The following CCDC81 variants were observed in gnomAD, a reference collection of about 807,000 sequenced individuals.
The protein encoded by CCDC81 is coiled-coil domain containing 81, also known as coiled-coil domain-containing protein 81.
In CCDC81, 79 loss-of-function variants were observed where a neutral mutation model predicts 83.7. The ratio of observed to expected loss-of-function variants is 0.94; its 90% CI spans 0.79 to 1.14. The LOEUF (loss-of-function observed/expected upper bound fraction) is 1.14. Among genes scored for constraint, CCDC81 ranks in the 50% most tolerant of loss-of-function variants. The probability of loss-of-function intolerance (pLI) is 0.00; values close to 1 mark genes in which losing one functional copy is unlikely to be tolerated. For synonymous variants in CCDC81, 252 were observed against 278.1 expected (o/e 0.91, Z 0.93); for missense variants, 791 against 778.1 (o/e 1.02, Z -0.20).
chr11:86,410,839 C>G (rs1171491818), intron 10 of CCDC81, among the ~76,000 whole-genome samples: 1 of 152,160 alleles, frequency 6.6e-6, no homozygotes, highest in African/African-American at 2.4e-5. Flanking sequence ...TTCTCTGTTC[C>G]TGACTTCCGA....
intron 1 of CCDC81, among the ~76,000 whole-genome samples, chr11:86,384,416 C>T (rs74595411): frequency 0.09 from 13,668 of 152,114 alleles, 1,382 homozygotes; most frequent in African/African-American, 0.25. Flanking sequence ...CTCGTGCTCA[C>T]TGTAGCTTGC....
intron 1 of CCDC81, among the ~76,000 whole-genome samples, chr11:86,381,251 G>T (rs1281471297): frequency 6.6e-6 from 1 of 152,212 alleles, no homozygotes; most frequent in Non-Finnish European, 1.5e-5. Flanking sequence ...GTTAGGCTCT[G>T]ATAATATCCC....
chr11:86,384,313 G>A (rs919120412), intron 1 of CCDC81, among the ~76,000 whole-genome samples: 1 of 152,126 alleles, frequency 6.6e-6, no homozygotes, highest in Non-Finnish European at 1.5e-5. Context: ...ATGGGCTGTG[G>A]GGGTGGGGAG....
chr11:86,413,803 A>T (rs544016257), intron 11 of CCDC81, among the ~76,000 whole-genome samples: 1 of 152,156 alleles, frequency 6.6e-6, no homozygotes, highest in Non-Finnish European at 1.5e-5. Context: ...ATGTACAGGG[A>T]ACATAGGAAG....
intron 7 of CCDC81, among the ~76,000 whole-genome samples, chr11:86,403,060 TG>T (rs1187853850): frequency 1.4e-5 from 2 of 146,650 alleles, no homozygotes; most frequent in African/African-American, 5.1e-5. Context: ...TAGTATGTTG[TG>T]TAGGCTGGTC....
intron 6 of CCDC81, among the ~76,000 whole-genome samples, chr11:86,398,773 G>A (rs551619741): frequency 2.6e-5 from 4 of 151,948 alleles, no homozygotes; most frequent in African/African-American, 4.8e-5. Context: ...GGGTTTCACC[G>A]TATTGGCCAG....
At chr11:86,407,975 G>A in intron 8 of CCDC81, 152 bp from the exon 9 acceptor site, 1 of 716,492 alleles carries the variant, frequency 1.4e-6, no homozygotes, top group South Asian at 2.1e-5. Flanking sequence ...TATTTCTGGG[G>A]TCCACTCTGC....
intron 6 of CCDC81, among the ~76,000 whole-genome samples, chr11:86,399,905 C>T (rs1045160911): frequency 3.3e-5 from 5 of 151,528 alleles, no homozygotes; most frequent in Non-Finnish European, 5.9e-5. Flanking sequence ...GGTGGATCAC[C>T]TGAGGTCAGG....
intron 8 of CCDC81, 105 bp from the exon 9 acceptor site, chr11:86,408,022 A>T (rs1948585508): frequency 5.5e-6 from 6 of 1,098,472 alleles, no homozygotes; most frequent in Non-Finnish European, 6.4e-6. Context: ...ATCCATTAAT[A>T]ATAGGTTTCT....
Position 86,407,676 on chromosome 11 carries a change from G to C in CCDC81, c.944G>C (p.Cys315Ser), listed in dbSNP as rs752239025. 101 of 1,613,466 alleles carry C rather than the reference G, an allele frequency of 6.3e-5. No homozygotes were observed. Among genetic ancestry groups the C allele is most frequent in the Non-Finnish European group, 8.2e-5 (97 of 1,179,692 alleles). ...SEMKPQTSPA[C>S]QDHNKAGQEM... ...ATGAAGCCCCAAACATCTCCAGCTT[G>C]CCAGGATCATAACAAGGCAGGACAG... Residue 315 changes from cysteine (C) to serine (S), a missense_variant, in exon 8 of 15, where the codon TGC becomes TCC. Coordinates refer to ENST00000445632, the MANE Select transcript of CCDC81 (RefSeq NM_001156474.2).
Position 86,412,251 on chromosome 11 carries a change from C to G in CCDC81, c.1219-136C>G, listed in dbSNP as rs1030402454. The G allele has an allele frequency of 6.1e-6, 4 of 660,900 alleles. No homozygotes were observed. The African/African-American group carries it at 7.3e-5, about 12-fold the overall frequency. 40.9% of individuals were successfully genotyped at this position (660,900 alleles called of 1,614,324 possible). On this transcript the variant is annotated intron_variant, in intron 10 of 14. Transcript: ENST00000445632. Reference sequence around the variant, plus strand: ...TATGATTCTATGTGTTACCTCAACACCAGCTGGTCCGTGTGTTGAGGGCTG... The same window carrying G: ...TATGATTCTATGTGTTACCTCAACAGCAGCTGGTCCGTGTGTTGAGGGCTG...
In CCDC81 at chr11:86,387,539, AACTTTC is replaced by A. The variant is rs770424949; in HGVS notation, c.173_178del (p.Thr58_Phe59del). The A allele has an allele frequency of 1.2e-6, 2 of 1,613,964 alleles. No individual in the cohort carries two copies. Among genetic ancestry groups the A allele is most frequent in the East Asian group, 4.5e-5 (2 of 44,868 alleles). ...AGGGGGTTCAGATTCCAGCATTTGG[AACTTTC>A]ACTTTCATAAGACAAAAGCTTGAGG... On this transcript the variant is annotated inframe_deletion, in exon 3 of 15. Transcript: ENST00000445632.
intron 2 of CCDC81, 42 bp downstream of exon 2, chr11:86,386,154 A>G: frequency 1.4e-6 from 1 of 737,092 alleles, no homozygotes. Flanking sequence ...AAATTAATTT[A>G]TTAATTTTAA....
Position 86,422,807 on chromosome 11 carries a change from G to GA in CCDC81, c.*99dup, listed in dbSNP as rs1019871772. 2.4e-5 allele frequency: 31 copies of GA among 1,280,338 alleles called. No individual in the cohort carries two copies. Among genetic ancestry groups the GA allele is most frequent in the Middle Eastern group, 1.9e-4 (1 of 5,260 alleles). 79.3% of individuals were successfully genotyped at this position (1,280,338 alleles called of 1,614,324 possible). On this transcript the variant is annotated 3_prime_UTR_variant, in exon 15 of 15. Transcript: ENST00000445632. ...TGAAACTGCGTATTTTTACCTCAGA[G>GA]AAAAAAATCATTGTTTAGGTTTGGT... is the stretch of plus-strand genomic sequence containing the variant.
chr11:86,392,569 T>G lies in CCDC81; in HGVS notation c.327T>G (p.Phe109Leu), dbSNP rs1193998603. The change falls in exon 4 of 15, where the codon TTT becomes TTG. Residue 109 changes from phenylalanine (F) to leucine (L), a missense_variant. Phe to Leu is a conservative substitution (Grantham distance 22). Coordinates refer to ENST00000445632, the MANE Select transcript of CCDC81 (RefSeq NM_001156474.2). ...PGEIPIVPLN[F>L]VMISLEGPFN... Reference sequence around the variant, plus strand: ...AAATCCCAATTGTTCCACTTAATTTTGTCATGATATCCCTGGAGGGTCCAT... The same window carrying G: ...AAATCCCAATTGTTCCACTTAATTTGGTCATGATATCCCTGGAGGGTCCAT... 7.1e-6 allele frequency: 11 copies of G among 1,551,410 alleles called. No individual in the cohort carries two copies. The Admixed American group carries it at 9.8e-5, about 14-fold the overall frequency.
At chr11:86,387,749 C>A (rs1338712809) in intron 3 of CCDC81, 77 bp downstream of exon 3, 1 of 1,016,736 alleles carries the variant, frequency 9.8e-7, no homozygotes, top group Non-Finnish European at 1.5e-6. Flanking sequence ...CAAAGCGTAG[C>A]CAGTGCTGCT....
chr11:86,421,329 A>C (rs1352808612), intron 14 of CCDC81, among the ~76,000 whole-genome samples: 1 of 148,480 alleles, frequency 6.7e-6, no homozygotes, highest in South Asian at 2.1e-4. Context: ...TTTTTTTTTG[A>C]GATGGTGTCT....
At chr11:86,385,658 T>A (rs925403653) in intron 1 of CCDC81, among the ~76,000 whole-genome samples, 1 of 152,214 alleles carries the variant, frequency 6.6e-6, no homozygotes, top group Non-Finnish European at 1.5e-5. Flanking sequence ...GGTGTGAGAA[T>A]GAACGTTCTT....
At chr11:86,414,928 T>G in intron 12 of CCDC81, 61 bp downstream of exon 12, 3 of 1,452,128 alleles carry the variant, frequency 2.1e-6, no homozygotes, top group Non-Finnish European at 2.8e-6. Flanking sequence ...CATCCTAAAA[T>G]ATGTGTAAGT....
Sources: allele counts gnomAD v4.1 joint callset (sites outside exome capture counted in the v4.1 genomes callset), GRCh38; gene constraint gnomAD v4.1.1; transcripts MANE v1.5; gene names NCBI Gene and HGNC (gene_info 2026-07-23, HGNC 2026-07-21).